Variants in CYTIP observed in about 807,000 individuals in gnomAD.
CYTIP encodes the protein cytohesin 1 interacting protein.
CYTIP carries 26 observed loss-of-function variants against 43.8 expected under a neutral mutation model. The observed-to-expected ratio is 0.59, with a 90% CI of 0.44 to 0.82. The LOEUF is 0.82. CYTIP is among the 40% of genes least tolerant of loss of function. The pLI, the probability that CYTIP is intolerant of heterozygous loss-of-function variation, is 0.00. For synonymous variants in CYTIP, 162 were observed against 162.9 expected (o/e 0.99, Z 0.04); for missense variants, 426 against 443.1 (o/e 0.96, Z 0.35).
intron 3 of CYTIP, among the ~76,000 whole-genome samples, chr2:157,432,800 C>T (rs1685733816): frequency 6.6e-6 from 1 of 152,150 alleles, no homozygotes; most frequent in Non-Finnish European, 1.5e-5. Context: ...AAGCATGTCT[C>T]CTATTTGTTA....
chr2:157,439,036 C>A, intron 1 of CYTIP: 3 of 271,126 alleles, frequency 1.1e-5, no homozygotes, highest in Admixed American at 4.3e-5. Flanking sequence ...TTTCCCCCAC[C>A]ACTCTACTTC....
intron 6 of CYTIP, among the ~76,000 whole-genome samples, chr2:157,419,955 T>C (rs551064899): frequency 1.3e-5 from 2 of 152,348 alleles, no homozygotes; most frequent in African/African-American, 4.8e-5. Context: ...GTTGCCAATA[T>C]AAAATCGAGC....
chr2:157,438,006 C>T (rs560335235), intron 1 of CYTIP, among the ~76,000 whole-genome samples: 25 of 152,240 alleles, frequency 1.6e-4, no homozygotes, highest in East Asian at 5.8e-4. Context: ...CATATGATCC[C>T]GCAATCCCAC....
intron 7 of CYTIP, among the ~76,000 whole-genome samples, chr2:157,417,733 A>C (rs547778140): frequency 6.6e-6 from 1 of 152,124 alleles, no homozygotes; most frequent in Non-Finnish European, 1.5e-5. Context: ...CAGAACTCTA[A>C]GCCATAAATT....
intron 5 of CYTIP, among the ~76,000 whole-genome samples, chr2:157,429,576 C>G (rs776914297): frequency 6.6e-6 from 1 of 152,176 alleles, no homozygotes; most frequent in Non-Finnish European, 1.5e-5. Context: ...GAGCCTATCA[C>G]AGAGCTGGAA....
intron 3 of CYTIP, 22 bp downstream of exon 3, chr2:157,434,348 A>G (rs747721983): frequency 6.2e-7 from 1 of 1,600,756 alleles, no homozygotes; most frequent in South Asian, 1.1e-5. Context: ...TTGGAAGTCT[A>G]GAAAATGTGA....
intron 6 of CYTIP, among the ~76,000 whole-genome samples, chr2:157,422,348 A>C (rs532651395): frequency 7.2e-5 from 11 of 152,172 alleles, no homozygotes; most frequent in Non-Finnish European, 1.2e-4. Context: ...TTGTGCATAG[A>C]TTGTCTCTAA....
At chr2:157,436,995 C>G (rs917110603) in intron 1 of CYTIP, among the ~76,000 whole-genome samples, 14 of 152,100 alleles carry the variant, frequency 9.2e-5, no homozygotes, top group African/African-American at 2.7e-4. Flanking sequence ...AAACAGACAA[C>G]TGTATATCCA....
intron 6 of CYTIP, among the ~76,000 whole-genome samples, chr2:157,422,343 C>T: frequency 6.6e-6 from 1 of 152,086 alleles, no homozygotes; most frequent in Non-Finnish European, 1.5e-5. Flanking sequence ...ATAATTTGTG[C>T]ATAGATTGTC....
chr2:157,434,659 A>G (rs1411343944), intron 2 of CYTIP, 39 bp downstream of exon 2: 2 of 1,501,790 alleles, frequency 1.3e-6, no homozygotes, highest in South Asian at 2.3e-5. Context: ...ATGTTCCTAA[A>G]TATTTTGGGA....
At position 157,442,554 on chromosome 2, in the gene CYTIP, G is replaced by C. The variant is rs375625886; in HGVS notation, c.174+1293C>G. ...GTCATGGCAAATATAAAGAAAATCT[G>C]ACTGCTTTATATCTGAAAACTGAAA... On this transcript the variant is annotated intron_variant, in intron 1 of 7. Coordinates refer to ENST00000264192, the MANE Select transcript of CYTIP (RefSeq NM_004288.5). Among the ~76,000 whole-genome samples, 87 of 151,726 alleles carry C rather than the reference G, an allele frequency of 5.7e-4. 1 individual carries two copies. The South Asian group carries it at 0.017, about 30-fold the overall frequency.
intron 1 of CYTIP, among the ~76,000 whole-genome samples, chr2:157,435,364 T>C (rs1685794011): frequency 6.6e-6 from 1 of 152,180 alleles, no homozygotes; most frequent in East Asian, 1.9e-4. Context: ...AACCAGGAAC[T>C]CAAAACCTCA....
intron 1 of CYTIP, among the ~76,000 whole-genome samples, chr2:157,443,001 A>T (rs534018528): frequency 1.8e-4 from 28 of 152,310 alleles, no homozygotes; most frequent in Non-Finnish European, 2.8e-4. Context: ...TTAAAAAAAA[A>T]TTTTTACATG....
chr2:157,427,786 T>C (rs1685635720), intron 5 of CYTIP, among the ~76,000 whole-genome samples: 1 of 152,212 alleles, frequency 6.6e-6, no homozygotes, highest in South Asian at 2.1e-4. Flanking sequence ...AAATATTTAT[T>C]GGGCATCTAC....
At position 157,443,915 on chromosome 2, in the gene CYTIP, T is replaced by G; in HGVS notation, c.106A>C (p.Met36Leu). The G allele has an allele frequency of 6.2e-7, 1 of 1,614,106 alleles. No individual in the cohort carries two copies. Among genetic ancestry groups the G allele is most frequent in the Non-Finnish European group, 8.5e-7 (1 of 1,179,990 alleles). Residue 36 changes from methionine to leucine, a missense_variant, in exon 1 of 8, where the codon ATG becomes CTG. Met to Leu is a conservative substitution (Grantham distance 15). Coordinates refer to ENST00000264192, the MANE Select transcript of CYTIP (RefSeq NM_004288.5). ...ATTTGAATCCTTCTATTATCGTCCA[T>G]CGTAAGGCTGCCGGTGAGTGTGGAG... ...SYSTLTGSLT[M>L]DDNRRIQMLA... is the part of the protein sequence containing the mutation.
intron 1 of CYTIP, among the ~76,000 whole-genome samples, chr2:157,439,762 C>A (rs1264214538): frequency 2.0e-5 from 3 of 152,252 alleles, no homozygotes; most frequent in African/African-American, 4.8e-5. Context: ...TAACTCCTTG[C>A]TAGCCATAAT....
rs377170102 is a variant in CYTIP at position 157,416,980 on chromosome 2, T to TGAGA, written c.614-841_614-838dup. On this transcript the variant is annotated intron_variant, in intron 7 of 7. Coordinates refer to ENST00000264192, the MANE Select transcript of CYTIP (RefSeq NM_004288.5). ...TTGGTATCTTGTGTGTGTGTGTGTG[T>TGAGA]GAGAGAGAGAGAGAGAGAGAGAGAG... Among the ~76,000 whole-genome samples the TGAGA allele has an allele frequency of 8.8e-4, 129 of 147,254 alleles. 4 individuals carry two copies. The East Asian group carries it at 0.017, about 19-fold the overall frequency.
chr2:157,443,180 G>T (rs77224112), intron 1 of CYTIP, among the ~76,000 whole-genome samples: 2,119 of 152,184 alleles, frequency 0.014, 40 homozygotes, highest in African/African-American at 0.048. Context: ...GCACTGCACA[G>T]TTCCTTATTT....
chr2:157,441,309 T>C (rs1435305643), intron 1 of CYTIP, among the ~76,000 whole-genome samples: 9 of 152,186 alleles, frequency 5.9e-5, no homozygotes, highest in Admixed American at 5.9e-4. Flanking sequence ...TTAAAGGAAA[T>C]GAACATCCAT....
Sources: allele counts gnomAD v4.1 joint callset (sites outside exome capture counted in the v4.1 genomes callset), GRCh38; gene constraint gnomAD v4.1.1; transcripts MANE v1.5; gene names NCBI Gene and HGNC (gene_info 2026-07-23, HGNC 2026-07-21).